The following EXOC4 variants were observed in gnomAD, a reference collection of about 807,000 sequenced individuals.
EXOC4 encodes the protein SEC8-like 1.
A neutral mutation model predicts 107.2 loss-of-function variants in EXOC4; 71 were observed. That is an observed-to-expected ratio of 0.66 (90% CI 0.55 to 0.81). The LOEUF (loss-of-function observed/expected upper bound fraction) is 0.81, where lower values mean the gene tolerates loss of function less well. Among genes scored for constraint, EXOC4 ranks in the 30% least tolerant of loss-of-function variants. The pLI is 0.00. For missense variants in EXOC4, 1,108 were observed against 1,189.6 expected (o/e 0.93, Z 1.01); for synonymous variants, 456 against 441.2 (o/e 1.03, Z -0.42).
intron 9 of EXOC4, among the ~76,000 whole-genome samples, chr7:133,580,035 A>G (rs1284098359): frequency 2.6e-5 from 4 of 152,218 alleles, no homozygotes; most frequent in Non-Finnish European, 4.4e-5. Context: ...ATTGATTCAT[A>G]TAAGTGAAAT....
At chr7:133,612,556 G>C (rs1685929592) in intron 9 of EXOC4, among the ~76,000 whole-genome samples, 1 of 152,176 alleles carries the variant, frequency 6.6e-6, no homozygotes, top group Non-Finnish European at 1.5e-5. Flanking sequence ...GAGATGTGAA[G>C]CCTTTGGAGC....
At chr7:133,770,209 T>G (rs1455811090) in intron 10 of EXOC4, among the ~76,000 whole-genome samples, 1 of 151,894 alleles carries the variant, frequency 6.6e-6, no homozygotes, top group Non-Finnish European at 1.5e-5. Flanking sequence ...ATTACCCACT[T>G]TACCTGTACA....
chr7:133,475,307 C>T (rs1348107199), intron 7 of EXOC4, 21 bp from the exon 8 acceptor site: 3 of 1,577,130 alleles, frequency 1.9e-6, no homozygotes, highest in Admixed American at 1.8e-5. Context: ...TTAACATTAA[C>T]TGATTTATCT....
intron 14 of EXOC4, among the ~76,000 whole-genome samples, chr7:133,961,346 G>A (rs140117901): frequency 0.018 from 2,407 of 134,866 alleles, 70 homozygotes; most frequent in African/African-American, 0.061. Flanking sequence ...GAGCGCAGTG[G>A]CATGATTTCG....
intron 10 of EXOC4, among the ~76,000 whole-genome samples, chr7:133,685,398 C>G (rs1043719653): frequency 1.3e-5 from 2 of 152,138 alleles, no homozygotes; most frequent in Non-Finnish European, 2.9e-5. Flanking sequence ...CTTGCTTCCC[C>G]GTCACCTTCT....
chr7:133,274,104 T>C (rs938125513), intron 1 of EXOC4, among the ~76,000 whole-genome samples: 2 of 152,244 alleles, frequency 1.3e-5, no homozygotes, highest in Admixed American at 1.3e-4. Context: ...TAAGTATATC[T>C]ATCTCATTCC....
At chr7:133,744,231 T>C (rs1028880939) in intron 10 of EXOC4, among the ~76,000 whole-genome samples, 1 of 152,076 alleles carries the variant, frequency 6.6e-6, no homozygotes, top group Non-Finnish European at 1.5e-5. Context: ...ATTGAGCACC[T>C]ATGTACAAGG....
intron 11 of EXOC4, among the ~76,000 whole-genome samples, chr7:133,865,525 A>G (rs1415007155): frequency 6.6e-6 from 1 of 152,148 alleles, no homozygotes; most frequent in Non-Finnish European, 1.5e-5. Context: ...ATCTCTACTA[A>G]TGATCAGTTG....
At chr7:133,748,599 C>T (rs1359777471) in intron 10 of EXOC4, among the ~76,000 whole-genome samples, 1 of 152,148 alleles carries the variant, frequency 6.6e-6, no homozygotes, top group Admixed American at 6.5e-5. Context: ...GGTTACTCAA[C>T]TGGATAACAA....
intron 9 of EXOC4, among the ~76,000 whole-genome samples, chr7:133,535,517 GA>G (rs752980155): frequency 6.6e-6 from 1 of 152,172 alleles, no homozygotes; most frequent in Non-Finnish European, 1.5e-5. Context: ...AAACACTGTA[GA>G]AAGCAAGGAT....
chr7:133,473,935 C>T lies in EXOC4; in HGVS notation c.1183-1393C>T, dbSNP rs1443055785. Among the ~76,000 whole-genome samples, 8 of 152,020 alleles carry T rather than the reference C, an allele frequency of 5.3e-5. No homozygotes were observed. The South Asian group carries it at 8.3e-4, about 16-fold the overall frequency. ...CAGGATGCTCTCGATCTCCTGACCT[C>T]GTGATCTGCCTGCCTCGGCCTCCTA... On this transcript the variant is annotated intron_variant, in intron 7 of 17. Coordinates refer to ENST00000253861, the MANE Select transcript of EXOC4 (RefSeq NM_021807.4).
chr7:133,710,274 G>A (rs1056733385), intron 10 of EXOC4, among the ~76,000 whole-genome samples: 1 of 152,076 alleles, frequency 6.6e-6, no homozygotes, highest in Admixed American at 6.5e-5. Flanking sequence ...CTTGCTCAAA[G>A]GCCTGGGTCA....
intron 9 of EXOC4, among the ~76,000 whole-genome samples, chr7:133,527,433 A>C (rs1372065334): frequency 6.6e-6 from 1 of 152,080 alleles, no homozygotes; most frequent in East Asian, 1.9e-4. Context: ...ATAAATAAAA[A>C]TATGTATTTC....
At chr7:133,286,750 G>A (rs1383663901) in intron 2 of EXOC4, among the ~76,000 whole-genome samples, 2 of 152,160 alleles carry the variant, frequency 1.3e-5, no homozygotes, top group Non-Finnish European at 2.9e-5. Context: ...AACTATTGAC[G>A]GAGACCGAGG....
chr7:133,651,836 G>A (rs933165872), intron 10 of EXOC4, among the ~76,000 whole-genome samples: 3 of 151,912 alleles, frequency 2.0e-5, no homozygotes, highest in Non-Finnish European at 2.9e-5. Context: ...AGGCATGCAC[G>A]ACCACACCTG....
intron 10 of EXOC4, among the ~76,000 whole-genome samples, chr7:133,685,987 T>C (rs1053276191): frequency 1.1e-4 from 16 of 152,204 alleles, no homozygotes; most frequent in Non-Finnish European, 2.4e-4. Context: ...GCTTTCTTGT[T>C]TCATTTAAGA....
chr7:133,712,268 C>T lies in EXOC4; in HGVS notation c.1514+82127C>T, dbSNP rs138910871. 5.9e-3 allele frequency among the ~76,000 whole-genome samples: 891 copies of T among 151,904 alleles called. 3 individuals are homozygous for T. Among genetic ancestry groups the T allele is most frequent in the African/African-American group, 0.017 (715 of 41,412 alleles). On this transcript the variant is annotated intron_variant, in intron 10 of 17. Coordinates refer to ENST00000253861, the MANE Select transcript of EXOC4 (RefSeq NM_021807.4). Reference sequence around the variant, plus strand: ...TAGCCTGACCAACATGGAGAAACTCCATCTCTACTAAAAATACGAAATTAG... The same window carrying T: ...TAGCCTGACCAACATGGAGAAACTCTATCTCTACTAAAAATACGAAATTAG...
chr7:133,772,438 T>A (rs1478266373), intron 10 of EXOC4, among the ~76,000 whole-genome samples: 1 of 152,000 alleles, frequency 6.6e-6, no homozygotes, highest in African/African-American at 2.4e-5. Flanking sequence ...ACTAAAGTCA[T>A]CTATTCTCAC....
the EXOC4 span, among the ~76,000 whole-genome samples, chr7:134,089,706 G>T: frequency 6.6e-6 from 1 of 152,146 alleles, no homozygotes; most frequent in African/African-American, 2.4e-5. Flanking sequence ...CTTTGACTTT[G>T]TGACTAGTCC....
Sources: gnomAD v4.1 joint callset for allele counts (sites outside exome capture counted in the v4.1 genomes callset) on GRCh38, gnomAD v4.1.1 for gene constraint, MANE v1.5 for transcripts, NCBI Gene and HGNC (gene_info 2026-07-23, HGNC 2026-07-21) for gene names.